Variants in DNAJC15 observed in about 807,000 individuals in gnomAD.
DNAJC15 encodes DnaJ heat shock protein family (Hsp40) member C15.
Under a neutral mutation model 22.4 loss-of-function variants are expected in DNAJC15, and 27 were observed. The observed-to-expected ratio is 1.20, with a 90% CI of 0.89 to 1.66. The LOEUF (loss-of-function observed/expected upper bound fraction) is 1.66. DNAJC15 is among the 40% of genes most tolerant of loss of function. DNAJC15 has a pLI of 0.00. For synonymous variants in DNAJC15, 79 were observed against 63.2 expected (o/e 1.25, Z -1.19); for missense variants, 208 against 187.1 (o/e 1.11, Z -0.65).
intron 1 of DNAJC15, among the ~76,000 whole-genome samples, chr13:43,034,601 C>T (rs1164530778): frequency 2.2e-5 from 3 of 136,666 alleles, no homozygotes; most frequent in Non-Finnish European, 4.7e-5. Flanking sequence ...AGGCGTGAGC[C>T]ACCGCACCCA....
intron 1 of DNAJC15, among the ~76,000 whole-genome samples, chr13:43,024,471 G>A (rs1325130974): frequency 6.8e-6 from 1 of 146,686 alleles, no homozygotes; most frequent in East Asian, 2.1e-4. Flanking sequence ...AGCCTCCCAA[G>A]TAGCTGGGAC....
intron 1 of DNAJC15, among the ~76,000 whole-genome samples, chr13:43,058,393 A>G (rs1280330719): frequency 6.6e-6 from 1 of 151,918 alleles, no homozygotes; most frequent in Non-Finnish European, 1.5e-5. Context: ...TGGGTGGTGG[A>G]AGGCGGCAGT....
At chr13:43,100,382 A>G (rs986196541) in intron 5 of DNAJC15, among the ~76,000 whole-genome samples, 16 of 151,184 alleles carry the variant, frequency 1.1e-4, no homozygotes, top group African/African-American at 3.6e-4. Flanking sequence ...TAATTTTTTT[A>G]TTTTTTGTAG....
Position 43,108,949 on chromosome 13 carries a change from C to G in DNAJC15, c.*1701C>G, listed in dbSNP as rs2040811927. ...ATTTTCTCATGCTTTAGTGTTTTCA[C>G]TTTTCTCCTGTTATCCTTGTACCTA... is the stretch of plus-strand genomic sequence containing the variant. On this transcript the variant is annotated 3_prime_UTR_variant, in exon 6 of 6. Transcript: ENST00000379221. 1 of 152,158 alleles carries G rather than the reference C, an allele frequency of 6.6e-6. No individual in the cohort carries two copies. The highest frequency in any genetic ancestry group is 1.5e-5 in the Non-Finnish European group (1 of 68,022). 9.4% of individuals were successfully genotyped at this position (152,158 alleles called of 1,614,324 possible).
chr13:43,093,337 T>G (rs1407377683), intron 5 of DNAJC15, among the ~76,000 whole-genome samples: 1 of 152,170 alleles, frequency 6.6e-6, no homozygotes, highest in Non-Finnish European at 1.5e-5. Flanking sequence ...GAAAAAGACT[T>G]TATATGGATT....
rs569760448 is a variant in DNAJC15 at position 43,025,638 on chromosome 13, C to G, written c.108+1904C>G. ...CATGTCTACAGGCTGCGAGCGGTGTCTCGCTCCTATAATCCCAGCAATTTG... is the reference window on the plus strand; with the variant it reads ...CATGTCTACAGGCTGCGAGCGGTGTGTCGCTCCTATAATCCCAGCAATTTG... On this transcript the variant is annotated intron_variant, in intron 1 of 5. Transcript: ENST00000379221. Among the ~76,000 whole-genome samples, 277 of 152,342 alleles carry G rather than the reference C, an allele frequency of 1.8e-3. 2 individuals carry two copies. The highest frequency in any genetic ancestry group is 2.4e-3 in the Non-Finnish European group (166 of 68,040).
At chr13:43,064,240 A>G (rs1023616969) in intron 1 of DNAJC15, among the ~76,000 whole-genome samples, 36 of 152,210 alleles carry the variant, frequency 2.4e-4, no homozygotes, top group Non-Finnish European at 3.7e-4. Flanking sequence ...TGCATATTAA[A>G]GTTAGAACAC....
intron 1 of DNAJC15, among the ~76,000 whole-genome samples, chr13:43,034,305 C>CTTTTTTTTT (rs753362468): frequency 6.6e-5 from 4 of 60,618 alleles, no homozygotes; most frequent in African/African-American, 1.5e-4. Context: ...GAGATTTGTC[C>CTTTTTTTTT]TTTTTTTTTT....
In DNAJC15 at chr13:43,065,721, A is replaced by C. The variant is rs750843429; in HGVS notation, c.144A>C (p.Ala48=). Residue 48 remains alanine, a synonymous_variant, in exon 2 of 6, where the codon GCA becomes GCC. Transcript: ENST00000379221. ...TGATAGCTGTAGGACTGGGTGTTGCAGCTCTTGCATTTGCAGGTAAGATAA... is the reference window on the plus strand; with the variant it reads ...TGATAGCTGTAGGACTGGGTGTTGCCGCTCTTGCATTTGCAGGTAAGATAA... The part of the protein sequence containing the change: ...RSLIAVGLGV[A]ALAFAGRYAF... The C allele has an allele frequency of 1.9e-6, 3 of 1,613,312 alleles. No homozygotes were observed. The highest frequency in any genetic ancestry group is 2.5e-6 in the Non-Finnish European group (3 of 1,179,692).
chr13:43,039,341 A>T (rs12584852), intron 1 of DNAJC15, among the ~76,000 whole-genome samples: 13,922 of 152,288 alleles, frequency 0.091, 823 homozygotes, highest in East Asian at 0.26. Context: ...GAAACTATTG[A>T]AAATGGAACA....
At position 43,114,040 on chromosome 13, in the gene DNAJC15, A is replaced by G. The variant is rs983689123; in HGVS notation, c.*6792A>G. 1 of 152,166 alleles carries G rather than the reference A, an allele frequency of 6.6e-6. No homozygotes were observed. Among genetic ancestry groups the G allele is most frequent in the Non-Finnish European group, 1.5e-5 (1 of 68,024 alleles). The allele number at this position is 152,166 out of a possible 1,614,324, so 9.4% of individuals were successfully genotyped here. A position where few individuals can be genotyped will look rare whatever the true frequency, so the allele number is the denominator to read the frequency against. ...GTTTGGGCTTTCGTTTCTTCTTGTA[A>G]GCAGAGATTTTTTAAAATCCAATAT... On this transcript the variant is annotated 3_prime_UTR_variant, in exon 6 of 6. Coordinates refer to ENST00000379221, the MANE Select transcript of DNAJC15 (RefSeq NM_013238.3).
intron 1 of DNAJC15, among the ~76,000 whole-genome samples, chr13:43,044,708 A>G (rs1357680297): frequency 2.6e-5 from 4 of 151,970 alleles, no homozygotes; most frequent in Non-Finnish European, 5.9e-5. Flanking sequence ...ATTACGTTTA[A>G]CTAGCATTGT....
intron 1 of DNAJC15, among the ~76,000 whole-genome samples, chr13:43,040,508 T>G (rs193014937): frequency 2.6e-5 from 4 of 152,358 alleles, no homozygotes; most frequent in Admixed American, 2.6e-4. Context: ...GTTTAAAATA[T>G]TCTGCAGGCC....
chr13:43,037,101 C>A (rs1287085310), intron 1 of DNAJC15, among the ~76,000 whole-genome samples: 9 of 152,236 alleles, frequency 5.9e-5, no homozygotes, highest in Non-Finnish European at 1.3e-4. Flanking sequence ...ATGTCCAGCC[C>A]CCATGGTGCC....
chr13:43,102,164 C>T (rs2040772486), intron 5 of DNAJC15, among the ~76,000 whole-genome samples: 2 of 152,052 alleles, frequency 1.3e-5, no homozygotes, highest in South Asian at 2.1e-4. Flanking sequence ...TTTTGATTTG[C>T]ATTTCCCTGA....
At chr13:43,051,155 A>T (rs530426558) in intron 1 of DNAJC15, among the ~76,000 whole-genome samples, 3 of 152,004 alleles carry the variant, frequency 2.0e-5, no homozygotes, top group South Asian at 4.2e-4. Context: ...TTTTATTTTT[A>T]GTATAAGCGA....
chr13:43,071,952 G>T (rs1305323453), intron 3 of DNAJC15, among the ~76,000 whole-genome samples: 1 of 151,884 alleles, frequency 6.6e-6, no homozygotes, highest in African/African-American at 2.4e-5. Context: ...TGTTTCTTTT[G>T]TTCTCACTGT....
chr13:43,077,120 T>A (rs2040637257), intron 3 of DNAJC15, among the ~76,000 whole-genome samples: 1 of 152,234 alleles, frequency 6.6e-6, no homozygotes, highest in Admixed American at 6.5e-5. Context: ...TGATGTTAAG[T>A]CAGACATTCT....
chr13:43,044,152 CTGT>C (rs1036827593), intron 1 of DNAJC15, among the ~76,000 whole-genome samples: 4 of 152,104 alleles, frequency 2.6e-5, no homozygotes, highest in Non-Finnish European at 4.4e-5. Flanking sequence ...TTTCCACTTG[CTGT>C]TGTTTAAATT....
Sources: allele counts gnomAD v4.1 joint callset (sites outside exome capture counted in the v4.1 genomes callset), GRCh38; gene constraint gnomAD v4.1.1; transcripts MANE v1.5; gene names NCBI Gene and HGNC (gene_info 2026-07-23, HGNC 2026-07-21).